ANK3: variants seen among roughly 807,000 people sequenced by gnomAD.
ANK3 encodes the protein ankyrin-3.
A neutral mutation model predicts 370.9 loss-of-function variants in ANK3; 57 were observed. The observed-to-expected ratio is 0.15, with a 90% CI of 0.12 to 0.19. ANK3 has a LOEUF of 0.19. Among genes scored for constraint, ANK3 ranks in the 10% least tolerant of loss-of-function variants. ANK3 has a pLI of 1.00. For missense variants in ANK3, 4,439 were observed against 5,302.1 expected (o/e 0.84, Z 5.06); for synonymous variants, 1,929 against 1,946.3 (o/e 0.99, Z 0.23).
At chr10:60,088,574 C>A (rs1480556338) in intron 28 of ANK3, among the ~76,000 whole-genome samples, 2 of 152,072 alleles carry the variant, frequency 1.3e-5, no homozygotes, top group Non-Finnish European at 2.9e-5. Flanking sequence ...TACGGGCATG[C>A]ACCTCCATGC....
At chr10:60,589,967 T>G (rs1384105943) in intron 2 of ANK3, among the ~76,000 whole-genome samples, 1 of 152,220 alleles carries the variant, frequency 6.6e-6, no homozygotes, top group Non-Finnish European at 1.5e-5. Context: ...CTAAAAACAG[T>G]AGGTGTAGTC....
intron 38 of ANK3, among the ~76,000 whole-genome samples, chr10:60,067,644 G>C (rs2081918184): frequency 1.3e-5 from 2 of 152,190 alleles, no homozygotes; most frequent in Non-Finnish European, 2.9e-5. Context: ...CTATTCAGTA[G>C]AAGGTTAACC....
chr10:60,431,041 G>A (rs916874274), intron 2 of ANK3, among the ~76,000 whole-genome samples: 5 of 152,160 alleles, frequency 3.3e-5, no homozygotes, highest in African/African-American at 1.2e-4. Context: ...CCAGGAGAGG[G>A]GGATGGTTTT....
chr10:60,726,337 A>G (rs2079940573), intron 1 of ANK3, among the ~76,000 whole-genome samples: 1 of 152,186 alleles, frequency 6.6e-6, no homozygotes, highest in Non-Finnish European at 1.5e-5. Flanking sequence ...TGCCTAAAAC[A>G]TAGGTTCAAA....
At chr10:60,451,926 G>C (rs2064615125) in intron 2 of ANK3, among the ~76,000 whole-genome samples, 1 of 152,310 alleles carries the variant, frequency 6.6e-6, no homozygotes, top group East Asian at 1.9e-4. Context: ...AACATACCCT[G>C]GAGGACCTGT....
At chr10:60,579,805 T>C (rs2077727152) in intron 2 of ANK3, among the ~76,000 whole-genome samples, 2 of 152,158 alleles carry the variant, frequency 1.3e-5, no homozygotes, top group Non-Finnish European at 2.9e-5. Context: ...TTTATAATTA[T>C]CCTTTAATTA....
At chr10:60,426,838 A>G (rs372686547) in intron 2 of ANK3, among the ~76,000 whole-genome samples, 1 of 152,166 alleles carries the variant, frequency 6.6e-6, no homozygotes, top group East Asian at 1.9e-4. Flanking sequence ...CGAACAGCTA[A>G]TGGGAATAGA....
At chr10:60,422,959 T>A (rs899388312) in intron 2 of ANK3, among the ~76,000 whole-genome samples, 68 of 152,160 alleles carry the variant, frequency 4.5e-4, no homozygotes, top group African/African-American at 1.6e-3. Context: ...GAGGCACTAT[T>A]GACATTTGGT....
intron 2 of ANK3, among the ~76,000 whole-genome samples, chr10:60,545,352 A>G (rs1258082784): frequency 6.6e-6 from 1 of 152,014 alleles, no homozygotes; most frequent in Admixed American, 6.6e-5. Context: ...CCAGCTATGT[A>G]TCTCTGGGGA....
chr10:60,099,208 C>G (rs2090723887), intron 28 of ANK3, among the ~76,000 whole-genome samples: 1 of 152,104 alleles, frequency 6.6e-6, no homozygotes, highest in Admixed American at 6.5e-5. Context: ...GTTTTTCTCT[C>G]TCTTGGGTAT....
chr10:60,728,026 C>G (rs947012010), intron 1 of ANK3, among the ~76,000 whole-genome samples: 5 of 152,192 alleles, frequency 3.3e-5, no homozygotes, highest in African/African-American at 4.8e-5. Flanking sequence ...CTGTGCTTCT[C>G]TTTCCAACTC....
At chr10:60,260,093 T>C (rs999906038) in intron 7 of ANK3, among the ~76,000 whole-genome samples, 3 of 152,220 alleles carry the variant, frequency 2.0e-5, no homozygotes, top group African/African-American at 4.8e-5. Flanking sequence ...TCAGCCCTTA[T>C]TAATTTTTAT....
chr10:60,139,383 G>A, intron 23 of ANK3: 1 of 319,470 alleles, frequency 3.1e-6, no homozygotes, highest in South Asian at 9.9e-5. Context: ...CTAGAAAGGT[G>A]GATGTTTTAT....
At chr10:60,621,789 A>C (rs2078341394) in intron 1 of ANK3, among the ~76,000 whole-genome samples, 1 of 152,190 alleles carries the variant, frequency 6.6e-6, no homozygotes, top group Non-Finnish European at 1.5e-5. Context: ...AAATACTACC[A>C]CTATGGATCC....
At chr10:60,638,629 A>G (rs1225929502) in intron 1 of ANK3, among the ~76,000 whole-genome samples, 6 of 152,092 alleles carry the variant, frequency 3.9e-5, no homozygotes, top group African/African-American at 1.4e-4. Context: ...AAATATTATA[A>G]ATATTCTCAA....
chr10:60,686,690 G>T (rs59676276), intron 1 of ANK3, among the ~76,000 whole-genome samples: 1,792 of 152,176 alleles, frequency 0.012, 35 homozygotes, highest in African/African-American at 0.041. Context: ...TACACAATAT[G>T]AAATCAATCA....
chr10:60,330,762 C>T (rs2051047333), intron 1 of ANK3, among the ~76,000 whole-genome samples: 1 of 152,192 alleles, frequency 6.6e-6, no homozygotes, highest in African/African-American at 2.4e-5. Context: ...AATCTTATCA[C>T]TGGGTATATA....
rs116627001 is a variant in ANK3, at chr10:60,549,660, C to G, written c.96+65526G>C. ...CACTTAACTTGGATTTTGTTGAGGA[C>G]TATCAAATTTATTACTTCAGGAGGA... On this transcript the variant is annotated intron_variant, in intron 2 of 43. Transcript: ENST00000373827. Among the ~76,000 whole-genome samples, 1,170 of 152,146 alleles carry G rather than the reference C, an allele frequency of 7.7e-3. 13 individuals carry two copies. The highest frequency in any genetic ancestry group is 0.026 in the African/African-American group (1,090 of 41,510).
At chr10:60,464,260 T>G (rs2133063593) in intron 2 of ANK3, among the ~76,000 whole-genome samples, 1 of 152,314 alleles carries the variant, frequency 6.6e-6, no homozygotes, top group African/African-American at 2.4e-5. Context: ...ATTATATGTA[T>G]TAGATTATTG....
Sources: gnomAD v4.1 joint callset for allele counts (sites outside exome capture counted in the v4.1 genomes callset) on GRCh38, gnomAD v4.1.1 for gene constraint, MANE v1.5 for transcripts, NCBI Gene and HGNC (gene_info 2026-07-23, HGNC 2026-07-21) for gene names.